The following EXOC5 variants were observed in gnomAD, a reference collection of about 807,000 sequenced individuals.
EXOC5 encodes the protein SEC10-like 1.
A neutral mutation model predicts 90.8 loss-of-function variants in EXOC5; 17 were observed. That is an observed-to-expected ratio of 0.19 (90% confidence interval 0.13 to 0.28). The LOEUF is 0.28. Ranked by LOEUF, EXOC5 falls within the 10% of genes least tolerant of loss-of-function variation. The pLI is 1.00. For synonymous variants in EXOC5, 260 were observed against 270.0 expected, an observed-to-expected ratio of 0.96 and a Z score of 0.36; for missense variants, 569 against 830.6, an observed-to-expected ratio of 0.69 and a Z score of 3.87.
In EXOC5 at chr14:57,231,491, A is replaced by T. The variant is rs760851081; in HGVS notation, c.1148+15T>A. ...GTCTTCAGTTTTAACAGAAGTATTT[A>T]ACAAAAATACTCACCCTCCTGTGCC... On this transcript the variant is annotated intron_variant, in intron 11 of 17. Coordinates refer to ENST00000621441, the MANE Select transcript of EXOC5 (RefSeq NM_006544.4). 1 of 1,565,436 alleles carries T rather than the reference A, an allele frequency of 6.4e-7. No individual in the cohort carries two copies. The highest frequency in any genetic ancestry group is 1.4e-5 in the African/African-American group (1 of 73,162).
intron 1 of EXOC5, among the ~76,000 whole-genome samples, chr14:57,261,175 G>A (rs940814166): frequency 7.9e-5 from 12 of 152,018 alleles, no homozygotes; most frequent in African/African-American, 2.7e-4. Flanking sequence ...TAGAACTTTC[G>A]TTTAATTTGT....
rs1026454842 is a variant in EXOC5 at position 57,239,765 on chromosome 14, C to T, written c.466-106G>A. ...TATCTCCCTGCATGTGCCCACAGTC[C>T]CTTCCCTAAAAAAATTTCCTTTAAA... On this transcript the variant is annotated intron_variant, in intron 4 of 17. Coordinates refer to ENST00000621441, the MANE Select transcript of EXOC5 (RefSeq NM_006544.4). 11 of 617,562 alleles carry T rather than the reference C, an allele frequency of 1.8e-5. No homozygotes were observed. The African/African-American group carries it at 1.9e-4, about 11-fold the overall frequency. The allele number at this position is 617,562 out of a possible 1,614,324, so 38.3% of individuals were successfully genotyped here.
chr14:57,259,819 A>C (rs1279267944), intron 1 of EXOC5, among the ~76,000 whole-genome samples: 1 of 152,208 alleles, frequency 6.6e-6, no homozygotes, highest in Admixed American at 6.5e-5. Context: ...ATTGAAAGCA[A>C]GGGGATGCTG....
intron 1 of EXOC5, among the ~76,000 whole-genome samples, chr14:57,253,472 T>C: frequency 6.6e-6 from 1 of 152,290 alleles, no homozygotes; most frequent in Non-Finnish European, 1.5e-5. Flanking sequence ...CCCAAAGTGA[T>C]CTACAGATTC....
rs1882532569 is a variant in EXOC5 at position 57,202,357 on chromosome 14, ATAG to A, written c.*6249_*6251del. The A allele has an allele frequency of 6.6e-6, 1 of 152,182 alleles. No individual in the cohort carries two copies. Among genetic ancestry groups the A allele is most frequent in the Non-Finnish European group, 1.5e-5 (1 of 68,028 alleles). 9.4% of individuals were successfully genotyped at this position (152,182 alleles called of 1,614,324 possible). On this transcript the variant is annotated 3_prime_UTR_variant, in exon 18 of 18. Coordinates refer to ENST00000621441, the MANE Select transcript of EXOC5 (RefSeq NM_006544.4). ...AAAATGATTGGTGTCTGAGGATTAG[ATAG>A]TAGTAATATGTCAATGTTAACTTCC...
intron 1 of EXOC5, among the ~76,000 whole-genome samples, chr14:57,259,132 TAC>T (rs771647424): frequency 5.3e-5 from 8 of 151,844 alleles, no homozygotes; most frequent in Non-Finnish European, 1.2e-4. Context: ...TTTTTTGAGA[TAC>T]AGTCTCACTC....
Position 57,206,009 on chromosome 14 carries a change from C to A in EXOC5, c.*2600G>T. ...CTGTCATTTTCAACATCATAATTTACATAAGGTAGGCTTCCTTTATTAAAT... is the reference window on the plus strand; with the variant it reads ...CTGTCATTTTCAACATCATAATTTAAATAAGGTAGGCTTCCTTTATTAAAT... On this transcript the variant is annotated 3_prime_UTR_variant, in exon 18 of 18. Transcript: ENST00000621441. 1 of 455,008 alleles carries A rather than the reference C, an allele frequency of 2.2e-6. No homozygotes were observed. The highest frequency in any genetic ancestry group is 4.4e-6 in the Non-Finnish European group (1 of 226,408). 28.2% of individuals were successfully genotyped at this position (455,008 alleles called of 1,614,324 possible).
Position 57,207,605 on chromosome 14 carries a change from A to C in EXOC5, c.*1004T>G, listed in dbSNP as rs2139603437. ...AAAGCAAACAGCCTTTGCAAAGCTCATCTCCAAATCTATCAATTCTCAATT... is the reference window on the plus strand; with the variant it reads ...AAAGCAAACAGCCTTTGCAAAGCTCCTCTCCAAATCTATCAATTCTCAATT... On this transcript the variant is annotated 3_prime_UTR_variant, in exon 18 of 18. Coordinates refer to ENST00000621441, the MANE Select transcript of EXOC5 (RefSeq NM_006544.4). The C allele has an allele frequency of 1.3e-5, 2 of 152,240 alleles. No homozygotes were observed. The highest frequency in any genetic ancestry group is 4.1e-4 in the South Asian group (2 of 4,828). 9.4% of individuals were successfully genotyped at this position (152,240 alleles called of 1,614,324 possible).
At chr14:57,262,544 G>A (rs921205267) in intron 1 of EXOC5, among the ~76,000 whole-genome samples, 1 of 141,616 alleles carries the variant, frequency 7.1e-6, no homozygotes, top group African/African-American at 2.9e-5. Flanking sequence ...ACATATGTGT[G>A]TGTGTGTGTG....
At chr14:57,235,197 C>G (rs1233137358) in intron 7 of EXOC5, among the ~76,000 whole-genome samples, 1 of 152,112 alleles carries the variant, frequency 6.6e-6, no homozygotes, top group Admixed American at 6.5e-5. Flanking sequence ...TTTCTTTAAG[C>G]ACTTTCTTTG....
At chr14:57,210,374 C>T (rs985661970) in intron 15 of EXOC5, among the ~76,000 whole-genome samples, 4 of 152,200 alleles carry the variant, frequency 2.6e-5, no homozygotes, top group Non-Finnish European at 4.4e-5. Context: ...AAGGCAAAAC[C>T]ATATACAAGT....
intron 11 of EXOC5, among the ~76,000 whole-genome samples, chr14:57,230,424 AAC>A (rs141411059): frequency 0.019 from 1,710 of 92,062 alleles, 25 homozygotes; most frequent in South Asian, 0.082. Context: ...GACTACCGTA[AAC>A]ACACACACAC....
At chr14:57,263,739 T>TAAAAAAAAAAAAAAAAAA (rs550651836) in intron 1 of EXOC5, among the ~76,000 whole-genome samples, 1 of 39,354 alleles carries the variant, frequency 2.5e-5, no homozygotes, top group Non-Finnish European at 5.8e-5. Flanking sequence ...CACTCCAGCC[T>TAAAAAAAAAAAAAAAAAA]AAAAAAAAAA....
At position 57,204,541 on chromosome 14, in the gene EXOC5, A is replaced by G. The variant is rs991621644; in HGVS notation, c.*4068T>C. The G allele has an allele frequency of 6.6e-6, 1 of 152,528 alleles. No individual in the cohort carries two copies. The highest frequency in any genetic ancestry group is 2.4e-5 in the African/African-American group (1 of 41,470). The allele number at this position is 152,528 out of a possible 1,614,324, so 9.4% of individuals were successfully genotyped here. Reference sequence around the variant, plus strand: ...TTGGCAAGCCTATGACATTTAAAATAGTTTTTGAACATAAAAACACTGATT... The same window carrying G: ...TTGGCAAGCCTATGACATTTAAAATGGTTTTTGAACATAAAAACACTGATT... On this transcript the variant is annotated 3_prime_UTR_variant, in exon 18 of 18. Transcript: ENST00000621441.
rs1317250003 is a variant in EXOC5 at position 57,201,489 on chromosome 14, C to A, written c.*7120G>T. On this transcript the variant is annotated 3_prime_UTR_variant, in exon 18 of 18. Coordinates refer to ENST00000621441, the MANE Select transcript of EXOC5 (RefSeq NM_006544.4). ...GTATATGTACACACACGTGTATAAA[C>A]ACACGTGTATATACACACACATATG... 8.4e-6 allele frequency: 1 copy of A among 119,514 alleles called. No homozygotes were observed. The highest frequency in any genetic ancestry group is 7.2e-5 in the Admixed American group (1 of 13,828). 7.4% of individuals were successfully genotyped at this position (119,514 alleles called of 1,614,324 possible). A position where few individuals can be genotyped will look rare whatever the true frequency, so the allele number is the denominator to read the frequency against.
At chr14:57,213,989 A>G (rs939170688) in intron 15 of EXOC5, among the ~76,000 whole-genome samples, 2 of 152,118 alleles carry the variant, frequency 1.3e-5, no homozygotes, top group African/African-American at 4.8e-5. Context: ...ACAAACAAAA[A>G]GATAAACATA....
At chr14:57,231,814 A>C in intron 10 of EXOC5, 99 bp from the exon 11 acceptor site, 1 of 744,446 alleles carries the variant, frequency 1.3e-6, no homozygotes, top group Non-Finnish European at 2.2e-6. Context: ...TTCATGACTT[A>C]TGTTAAGCCA....
intron 1 of EXOC5, among the ~76,000 whole-genome samples, chr14:57,255,811 G>A (rs190591906): frequency 3.4e-5 from 5 of 146,868 alleles, no homozygotes; most frequent in East Asian, 2.0e-4. Context: ...CAGCCTGGGC[G>A]ACTGAGCAAG....
chr14:57,209,840 G>A, intron 16 of EXOC5, 58 bp from the exon 17 acceptor site: 2 of 1,324,604 alleles, frequency 1.5e-6, no homozygotes, highest in Middle Eastern at 1.9e-4. Flanking sequence ...AGCTAAAGAG[G>A]AAATACAGTT....
Sources: allele counts gnomAD v4.1 joint callset (sites outside exome capture counted in the v4.1 genomes callset), GRCh38; gene constraint gnomAD v4.1.1; transcripts MANE v1.5; gene names NCBI Gene and HGNC (gene_info 2026-07-23, HGNC 2026-07-21).